Variants in DEPDC1B observed in about 807,000 individuals in gnomAD.
DEPDC1B encodes the protein DEP domain containing 1B.
Under a neutral mutation model 66.5 loss-of-function variants are expected in DEPDC1B, and 51 were observed. The ratio of observed to expected loss-of-function variants is 0.77; its 90% CI spans 0.61 to 0.97. DEPDC1B has a LOEUF of 0.97. Among genes scored for constraint, DEPDC1B ranks in the 50% least tolerant of loss-of-function variants. DEPDC1B has a pLI of 0.00. For missense variants in DEPDC1B, 552 were observed against 637.1 expected (o/e 0.87, Z 1.44); for synonymous variants, 226 against 223.6 (o/e 1.01, Z -0.10).
At chr5:60,631,601 G>A (rs1344914941) in intron 7 of DEPDC1B, among the ~76,000 whole-genome samples, 1 of 152,118 alleles carries the variant, frequency 6.6e-6, no homozygotes, top group Non-Finnish European at 1.5e-5. Flanking sequence ...GTGATGAGGA[G>A]GACTCTCCAG....
chr5:60,626,966 T>C (rs1339451808), intron 7 of DEPDC1B, among the ~76,000 whole-genome samples: 2 of 152,016 alleles, frequency 1.3e-5, no homozygotes, highest in Admixed American at 1.3e-4. Flanking sequence ...AGGGCTGAGG[T>C]TGGGGGTATC....
intron 2 of DEPDC1B, among the ~76,000 whole-genome samples, chr5:60,665,653 G>A (rs776636507): frequency 1.3e-5 from 2 of 152,084 alleles, no homozygotes; most frequent in African/African-American, 4.8e-5. Flanking sequence ...AGTGGTAGTC[G>A]GCCAACCTCC....
At chr5:60,605,909 T>G in intron 7 of DEPDC1B, 53 bp from the exon 8 acceptor site, 1 of 1,455,530 alleles carries the variant, frequency 6.9e-7, no homozygotes, top group Non-Finnish European at 9.2e-7. Flanking sequence ...CCTAGTAGAT[T>G]CTATATGGTT....
At chr5:60,622,840 T>C (rs1734040105) in intron 7 of DEPDC1B, among the ~76,000 whole-genome samples, 1 of 152,192 alleles carries the variant, frequency 6.6e-6, no homozygotes, top group South Asian at 2.1e-4. Flanking sequence ...TCTTGTTGTG[T>C]CCAGTTTTTT....
intron 2 of DEPDC1B, among the ~76,000 whole-genome samples, chr5:60,680,012 T>A (rs762191586): frequency 1.3e-5 from 2 of 152,212 alleles, no homozygotes; most frequent in Non-Finnish European, 2.9e-5. Flanking sequence ...GTCTACCTCA[T>A]AGAATTGTCG....
chr5:60,687,061 G>GT lies in DEPDC1B; in HGVS notation c.214dup (p.Thr72AsnfsTer15). 1 of 1,614,156 alleles carries GT rather than the reference G, an allele frequency of 6.2e-7. No homozygotes were observed. Among genetic ancestry groups the GT allele is most frequent in the Non-Finnish European group, 8.5e-7 (1 of 1,180,024 alleles). On this transcript the variant is annotated frameshift_variant, in exon 2 of 11. Transcript: ENST00000265036. LOFTEE classifies it high-confidence loss of function. ...CAGGAATTTTTTTAGCAGCTGGACC[G>GT]TTTGTTTGCGGGTCACTTCAGGGCC...
chr5:60,699,839 A>T (rs1211946843), intron 1 of DEPDC1B, among the ~76,000 whole-genome samples: 1 of 152,180 alleles, frequency 6.6e-6, no homozygotes, highest in Non-Finnish European at 1.5e-5. Context: ...AAGCTGCACT[A>T]ACCCCCGGCC....
chr5:60,699,622 T>C (rs1235754067), intron 1 of DEPDC1B, among the ~76,000 whole-genome samples: 3 of 151,864 alleles, frequency 2.0e-5, no homozygotes, highest in African/African-American at 4.8e-5. Flanking sequence ...CCCCGTCAGG[T>C]ATCATCAGGT....
intron 2 of DEPDC1B, among the ~76,000 whole-genome samples, chr5:60,668,611 A>G (rs1753958279): frequency 6.6e-6 from 1 of 152,098 alleles, no homozygotes; most frequent in Non-Finnish European, 1.5e-5. Flanking sequence ...TGAATCTATA[A>G]GAAAAAACTT....
chr5:60,666,315 A>G (rs761365323), intron 2 of DEPDC1B, among the ~76,000 whole-genome samples: 4 of 152,202 alleles, frequency 2.6e-5, no homozygotes, highest in East Asian at 1.9e-4. Context: ...TAATAGAGCT[A>G]TAACACTCAC....
chr5:60,638,880 A>G lies in DEPDC1B; in HGVS notation c.768T>C (p.Cys256=). Residue 256 remains cysteine (C), a synonymous_variant, in exon 7 of 11, where the codon TGT becomes TGC. Coordinates refer to ENST00000265036, the MANE Select transcript of DEPDC1B (RefSeq NM_018369.3). ...AGTACATAGGCTGCTTCAAATCAGA[A>G]CAGTTGGGCCCTATTTTCAAAAAGA... ...AMKCLANWPN[C]SDLKQPMYLG... is the part of the protein sequence containing the mutation. 1.2e-6 allele frequency: 2 copies of G among 1,610,510 alleles called. No homozygotes were observed. The highest frequency in any genetic ancestry group is 1.7e-6 in the Non-Finnish European group (2 of 1,178,904).
In DEPDC1B at chr5:60,670,847, G is replaced by A. The variant is rs576102235; in HGVS notation, c.314+16115C>T. ...ACAGGGGACATAGTAAGGGTAATTCGGACTCCTTGTGGCCAGGGAGCAGCA... is the reference window on the plus strand; with the variant it reads ...ACAGGGGACATAGTAAGGGTAATTCAGACTCCTTGTGGCCAGGGAGCAGCA... On this transcript the variant is annotated intron_variant, in intron 2 of 10. Transcript: ENST00000265036. 4.4e-4 allele frequency among the ~76,000 whole-genome samples: 67 copies of A among 152,242 alleles called. 1 individual carries two copies. Among genetic ancestry groups the A allele is most frequent in the African/African-American group, 1.5e-3 (63 of 41,532 alleles).
rs1753951571 is a variant in DEPDC1B, at chr5:60,668,330, A to C, written c.314+18632T>G. Among the ~76,000 whole-genome samples, 3 of 145,522 alleles carry C rather than the reference A, an allele frequency of 2.1e-5. No homozygotes were observed. The South Asian group carries it at 6.4e-4, about 31-fold the overall frequency. On this transcript the variant is annotated intron_variant, in intron 2 of 10. Coordinates refer to ENST00000265036, the MANE Select transcript of DEPDC1B (RefSeq NM_018369.3). ...CGCTCTGTCACCCAGGCTAGAGTGC[A>C]GTGGTGCAATCTCATCTCACTGCAA...
At chr5:60,675,903 C>CTTTTTTT (rs35113345) in intron 2 of DEPDC1B, among the ~76,000 whole-genome samples, 51 of 138,890 alleles carry the variant, frequency 3.7e-4, no homozygotes, top group Middle Eastern at 3.8e-3. Context: ...TTTCTTTTTT[C>CTTTTTTT]TTTTTTTTTT....
At chr5:60,602,557 G>T (rs1752221839) in intron 9 of DEPDC1B, among the ~76,000 whole-genome samples, 1 of 151,980 alleles carries the variant, frequency 6.6e-6, no homozygotes, top group African/African-American at 2.4e-5. Flanking sequence ...CCTTTACCAG[G>T]TTTCTGCTCC....
chr5:60,670,971 C>T (rs1754022016), intron 2 of DEPDC1B, among the ~76,000 whole-genome samples: 1 of 150,704 alleles, frequency 6.6e-6, no homozygotes, highest in African/African-American at 2.5e-5. Flanking sequence ...GGGAGAAACA[C>T]CTGTGGCACT....
chr5:60,637,582 A>G (rs1007433419), intron 7 of DEPDC1B, among the ~76,000 whole-genome samples: 7 of 152,184 alleles, frequency 4.6e-5, no homozygotes, highest in Non-Finnish European at 5.9e-5. Flanking sequence ...GAATCTACCC[A>G]ATTAGTCCAT....
intron 7 of DEPDC1B, among the ~76,000 whole-genome samples, chr5:60,619,863 G>C (rs1005324645): frequency 6.6e-6 from 1 of 152,154 alleles, no homozygotes; most frequent in African/African-American, 2.4e-5. Flanking sequence ...CAAAGCTGGA[G>C]GCATCACGGT....
At chr5:60,682,481 G>A (rs552054947) in intron 2 of DEPDC1B, among the ~76,000 whole-genome samples, 3 of 152,166 alleles carry the variant, frequency 2.0e-5, no homozygotes, top group South Asian at 2.1e-4. Context: ...AAACCTGCAC[G>A]TTGTGCACAT....
Sources: allele counts gnomAD v4.1 joint callset (sites outside exome capture counted in the v4.1 genomes callset), GRCh38; gene constraint gnomAD v4.1.1; transcripts MANE v1.5; gene names NCBI Gene and HGNC (gene_info 2026-07-23, HGNC 2026-07-21).